The following CASQ2 variants were observed in gnomAD, a reference collection of about 807,000 sequenced individuals.
CASQ2 encodes the protein calsequestrin-2.
A neutral mutation model predicts 46.5 loss-of-function variants in CASQ2; 49 were observed. The observed-to-expected ratio is 1.05, with a 90% CI of 0.84 to 1.34. CASQ2 has a LOEUF of 1.34. Among genes scored for constraint, CASQ2 ranks in the 40% most tolerant of loss-of-function variants. The pLI, the probability that CASQ2 is intolerant of heterozygous loss-of-function variation, is 0.00. For missense variants in CASQ2, 486 were observed against 481.3 expected, an observed-to-expected ratio of 1.01 and a Z score of -0.09; for synonymous variants, 174 against 168.5, an observed-to-expected ratio of 1.03 and a Z score of -0.25.
intron 8 of CASQ2, among the ~76,000 whole-genome samples, chr1:115,709,743 C>G (rs1357252529): frequency 6.6e-6 from 1 of 152,220 alleles, no homozygotes; most frequent in Non-Finnish European, 1.5e-5. Context: ...GTTGATCATT[C>G]TAACAGCCAA....
At chr1:115,726,968 G>T in intron 6 of CASQ2, 24 bp downstream of exon 6, 3 of 712,360 alleles carry the variant, frequency 4.2e-6, no homozygotes, top group Non-Finnish European at 7.3e-6. Context: ...CAGGCCCCCA[G>T]CCCCCACATG....
At chr1:115,761,472 GAAGAAGAAGAAGA>G (rs1648948314) in intron 1 of CASQ2, among the ~76,000 whole-genome samples, 4 of 19,498 alleles carry the variant, frequency 2.1e-4, no homozygotes, top group Non-Finnish European at 4.7e-4. Flanking sequence ...AGGAGAAGAA[GAAGAAGAAGAAGA>G]AGGAGAAGAA....
At chr1:115,717,607 C>A (rs931885051) in intron 8 of CASQ2, among the ~76,000 whole-genome samples, 1 of 152,222 alleles carries the variant, frequency 6.6e-6, no homozygotes, top group African/African-American at 2.4e-5. Context: ...TGCTGTGCAG[C>A]GCTGTAGGAA....
intron 3 of CASQ2, among the ~76,000 whole-genome samples, chr1:115,739,396 T>A (rs891052438): frequency 6.6e-6 from 1 of 152,116 alleles, no homozygotes; most frequent in Non-Finnish European, 1.5e-5. Context: ...ATTACAGGCA[T>A]GAGCCACCAC....
chr1:115,719,323 C>T (rs1342031910), intron 7 of CASQ2, among the ~76,000 whole-genome samples: 2 of 152,144 alleles, frequency 1.3e-5, no homozygotes, highest in Admixed American at 6.5e-5. Context: ...TTTACATTTG[C>T]TATTATCGCC....
intron 10 of CASQ2, among the ~76,000 whole-genome samples, chr1:115,701,722 G>T (rs949832186): frequency 1.5e-4 from 23 of 152,270 alleles, no homozygotes; most frequent in Admixed American, 9.8e-4. Context: ...TAGGGGTTGG[G>T]TCAGGGGAGT....
intron 4 of CASQ2, among the ~76,000 whole-genome samples, chr1:115,734,273 A>ATC (rs1360559167): frequency 2.6e-5 from 4 of 152,238 alleles, no homozygotes; most frequent in African/African-American, 9.6e-5. Flanking sequence ...CACCTAAGCC[A>ATC]TCTGTGTCTA....
intron 7 of CASQ2, 41 bp downstream of exon 7, chr1:115,725,467 A>T (rs1215115761): frequency 1.2e-6 from 2 of 1,606,344 alleles, no homozygotes; most frequent in African/African-American, 2.7e-5. Context: ...TTGGGACTAT[A>T]CTCATCTCTA....
At chr1:115,706,208 A>G (rs1654356859) in intron 8 of CASQ2, among the ~76,000 whole-genome samples, 1 of 151,922 alleles carries the variant, frequency 6.6e-6, no homozygotes, top group Non-Finnish European at 1.5e-5. Context: ...GTGTGTGTGC[A>G]CGCGTGCATG....
intron 1 of CASQ2, among the ~76,000 whole-genome samples, chr1:115,752,382 T>C (rs982988285): frequency 7.9e-5 from 12 of 152,190 alleles, no homozygotes; most frequent in African/African-American, 2.9e-4. Flanking sequence ...CTCCAGCACC[T>C]AGCGTAATAC....
chr1:115,717,937 G>C, intron 7 of CASQ2, 43 bp from the exon 8 acceptor site: 1 of 1,355,048 alleles, frequency 7.4e-7, no homozygotes, highest in Non-Finnish European at 1.1e-6. Context: ...CAGCTGGAGG[G>C]ATGCAAAGGA....
At chr1:115,743,893 T>G (rs1334440360) in intron 2 of CASQ2, among the ~76,000 whole-genome samples, 1 of 152,032 alleles carries the variant, frequency 6.6e-6, no homozygotes, top group Non-Finnish European at 1.5e-5. Flanking sequence ...TCCCACCATT[T>G]TGGGAGGCTG....
chr1:115,720,021 C>T (rs913063039), intron 7 of CASQ2, among the ~76,000 whole-genome samples: 1 of 152,100 alleles, frequency 6.6e-6, no homozygotes, highest in African/African-American at 2.4e-5. Flanking sequence ...ATCTCAAAAT[C>T]TCATAAGAAA....
chr1:115,713,923 C>G (rs1290311303), intron 8 of CASQ2, among the ~76,000 whole-genome samples: 1 of 152,128 alleles, frequency 6.6e-6, no homozygotes, highest in Non-Finnish European at 1.5e-5. Context: ...TGCCCTGGGT[C>G]TCCGCTTTCT....
At chr1:115,707,848 C>G (rs1466730832) in intron 8 of CASQ2, among the ~76,000 whole-genome samples, 2 of 152,110 alleles carry the variant, frequency 1.3e-5, no homozygotes, top group Non-Finnish European at 2.9e-5. Flanking sequence ...GGATGAAATG[C>G]AAAAACACAG....
rs150289245 is a variant in CASQ2, at chr1:115,752,065, A to G, written c.235-7153T>C. Among the ~76,000 whole-genome samples the G allele has an allele frequency of 1.2e-4, 18 of 152,198 alleles. No individual in the cohort carries two copies. In the East Asian group the frequency reaches 3.3e-3, roughly 28 times the overall value. The stretch of plus-strand genomic sequence containing the variant: ...GGGACGCCTTGTTCTAATTCACACA[A>G]AGCCACCAACACATGCTCTGCTTCT... On this transcript the variant is annotated intron_variant, in intron 1 of 10. Transcript: ENST00000261448.
chr1:115,740,767 G>T lies in CASQ2; in HGVS notation c.381C>A (p.Gly127=), dbSNP rs775663612. 1.2e-6 allele frequency: 2 copies of T among 1,613,028 alleles called. No individual in the cohort carries two copies. Among genetic ancestry groups the T allele is most frequent in the Admixed American group, 1.7e-5 (1 of 59,970 alleles). ...LKGDRTIEFD[G]EFAADVLVEF... is the part of the protein sequence containing the mutation. ...CCACCAAGACATCAGCTGCAAACTC[G>T]CCATCAAACTCTATTGTGCGATCAC... The change falls in exon 3 of 11, where the codon GGC becomes GGA. Residue 127 remains glycine (G), a synonymous_variant. Transcript: ENST00000261448.
chr1:115,739,881 C>A (rs1482612506), intron 3 of CASQ2, among the ~76,000 whole-genome samples: 1 of 152,192 alleles, frequency 6.6e-6, no homozygotes, highest in Non-Finnish European at 1.5e-5. Flanking sequence ...GCTGGGGCAG[C>A]ACCATGCTGT....
intron 8 of CASQ2, 62 bp downstream of exon 8, chr1:115,717,778 T>C: frequency 1.6e-6 from 2 of 1,215,282 alleles, no homozygotes; most frequent in Non-Finnish European, 2.4e-6. Flanking sequence ...AGGTGAGGGC[T>C]GGCAAAGGTG....
Sources: gnomAD v4.1 joint callset for allele counts (sites outside exome capture counted in the v4.1 genomes callset) on GRCh38, gnomAD v4.1.1 for gene constraint, MANE v1.5 for transcripts, NCBI Gene and HGNC (gene_info 2026-07-23, HGNC 2026-07-21) for gene names.